Variants in SEC14L3 observed in about 807,000 individuals in gnomAD.
The protein encoded by SEC14L3 is SEC14 like lipid binding 3.
A neutral mutation model predicts 57.4 loss-of-function variants in SEC14L3; 56 were observed. That is an observed-to-expected ratio of 0.97 (90% CI 0.79 to 1.22). The LOEUF (loss-of-function observed/expected upper bound fraction) is 1.22, where lower values mean the gene tolerates loss of function less well. SEC14L3 is among the 50% of genes most tolerant of loss of function. SEC14L3 has a pLI of 0.00. For synonymous variants in SEC14L3, 173 were observed against 194.4 expected, an observed-to-expected ratio of 0.89 and a Z score of 0.92; for missense variants, 485 against 511.7, an observed-to-expected ratio of 0.95 and a Z score of 0.50.
At chr22:30,461,180 A>G in intron 11 of SEC14L3, 130 bp downstream of exon 11, 1 of 1,123,132 alleles carries the variant, frequency 8.9e-7, no homozygotes, top group Non-Finnish European at 1.3e-6. Flanking sequence ...TGTATGAATG[A>G]ATGGTGCTAA....
At chr22:30,469,895 A>AAAGGAGACTGCAGGC in intron 4 of SEC14L3, 124 bp downstream of exon 4, 1 of 705,998 alleles carries the variant, frequency 1.4e-6, no homozygotes, top group South Asian at 1.9e-5. Context: ...TGACTGTAGG[A>AAAGGAGACTGCAGGC]AAGGAGACTG....
intron 12 of SEC14L3, among the ~76,000 whole-genome samples, chr22:30,449,553 CTTTTCTTTT>C (rs1281286773): frequency 1.4e-5 from 2 of 142,748 alleles, no homozygotes; most frequent in African/African-American, 5.6e-5. Context: ...TTTTTCTTTT[CTTTTCTTTT>C]CTTTTCTTTT....
chr22:30,460,229 G>A (rs1358279372), intron 11 of SEC14L3, 87 bp from the exon 12 acceptor site: 5 of 1,538,744 alleles, frequency 3.2e-6, no homozygotes, highest in Non-Finnish European at 4.4e-6. Flanking sequence ...ACAGGCTTGT[G>A]TTCCCACTGG....
At chr22:30,449,059 A>G (rs757825054) in exon 13 of SEC14L3, 22 of 1,549,176 alleles carry the variant, frequency 1.4e-5, no homozygotes, top group Middle Eastern at 1.7e-4. Context: ...CCTCTTACAC[A>G]CAGGCCAGTT....
intron 11 of SEC14L3, 112 bp from the exon 12 acceptor site, chr22:30,460,254 C>A: frequency 1.3e-6 from 2 of 1,515,314 alleles, no homozygotes; most frequent in Non-Finnish European, 1.8e-6. Context: ...GTTTGCCAAG[C>A]TGGGCCAAGC....
downstream of SEC14L3, among the ~76,000 whole-genome samples, chr22:30,457,220 G>A (rs186504465): frequency 2.9e-3 from 434 of 152,110 alleles, 5 homozygotes; most frequent in South Asian, 0.012. Context: ...TGCTGCCACC[G>A]TCTTCCAAGA....
intron 12 of SEC14L3, among the ~76,000 whole-genome samples, chr22:30,451,258 C>T (rs1934975000): frequency 6.6e-6 from 1 of 151,898 alleles, no homozygotes; most frequent in Non-Finnish European, 1.5e-5. Context: ...GATGCGTGGA[C>T]AAGATGAGGA....
rs372658998 is a variant in SEC14L3 at position 30,461,314 on chromosome 22, G to A, written c.1077C>T (p.Gly359=). 1.7e-5 allele frequency: 27 copies of A among 1,586,358 alleles called. No homozygotes were observed. Among genetic ancestry groups the A allele is most frequent in the East Asian group, 6.7e-5 (3 of 44,636 alleles). ...EDGNLTCSEA[G]VYVLRFDNTY... is the part of the protein sequence containing the mutation. ...TCCCAGCTGGGGCAGACTTACAGAC[G>A]CCGGCCTCTGAGCAGGTGAGGTTCC... The change falls in exon 11 of 12, where the codon GGC becomes GGT. Residue 359 remains glycine, a synonymous_variant. Coordinates refer to ENST00000215812, the MANE Select transcript of SEC14L3 (RefSeq NM_174975.5).
chr22:30,470,056 A>T lies in SEC14L3; in HGVS notation c.197T>A (p.Met66Lys). 1 of 1,594,834 alleles carries T rather than the reference A, an allele frequency of 6.3e-7. No individual in the cohort carries two copies. The highest frequency in any genetic ancestry group is 8.5e-7 in the Non-Finnish European group (1 of 1,169,762). The change falls in exon 4 of 12, where the codon ATG (methionine) becomes AAG (lysine). Residue 66 changes from methionine (M) to lysine (K), a missense_variant. Physicochemically the swap from Met to Lys is moderately conservative, Grantham distance 95. Coordinates refer to ENST00000215812, the MANE Select transcript of SEC14L3 (RefSeq NM_174975.5). ...CCAATCAAGGATATGGTCAATATCCATGGTCTTCCGGAACTCCATGTACTG... is the reference window on the plus strand; with the variant it reads ...CCAATCAAGGATATGGTCAATATCCTTGGTCTTCCGGAACTCCATGTACTG... ...LRKYMEFRKT[M>K]DIDHILDWQP...
chr22:30,464,769 C>T (rs779666484), intron 8 of SEC14L3, 51 bp downstream of exon 8: 9 of 1,558,746 alleles, frequency 5.8e-6, no homozygotes, highest in South Asian at 1.1e-5. Context: ...GGGACAACCT[C>T]ACTCCAAAGG....
Position 30,471,889 on chromosome 22 carries a change from G to A in SEC14L3, c.54+16C>T, listed in dbSNP as rs376475550. On this transcript the variant is annotated intron_variant, in intron 1 of 11. Transcript: ENST00000215812. Reference sequence around the variant, plus strand: ...TTCCCCTGGTCTTCCGGAACTCCAGGGGGAGGGGCTCTCACCTTGGCCAGG... The same window carrying A: ...TTCCCCTGGTCTTCCGGAACTCCAGAGGGAGGGGCTCTCACCTTGGCCAGG... The A allele has an allele frequency of 1.2e-6, 2 of 1,613,288 alleles. No homozygotes were observed. The highest frequency in any genetic ancestry group is 1.7e-6 in the Non-Finnish European group (2 of 1,179,680).
At chr22:30,462,793 A>AGTG (rs1205363102) in intron 8 of SEC14L3, among the ~76,000 whole-genome samples, 13 of 148,318 alleles carry the variant, frequency 8.8e-5, no homozygotes, top group African/African-American at 3.3e-4. Flanking sequence ...GCTGGAGTGC[A>AGTG]GTGGTGTGGT....
chr22:30,469,837 A>T (rs1935542961), intron 4 of SEC14L3, among the ~76,000 whole-genome samples, 182 bp downstream of exon 4: 1 of 152,194 alleles, frequency 6.6e-6, no homozygotes, highest in South Asian at 2.1e-4. Flanking sequence ...TGCTGCTAAC[A>T]TCTTAACCTA....
At chr22:30,454,865 A>AAT (rs1474053110), downstream of SEC14L3, among the ~76,000 whole-genome samples, 2 of 49,464 alleles carry the variant, frequency 4.0e-5, no homozygotes, top group African/African-American at 1.2e-4. Flanking sequence ...ATTATTATAT[A>AAT]ATACATAATA....
In SEC14L3 at chr22:30,471,917, C is replaced by G; in HGVS notation, c.42G>C (p.Glu14Asp). ...GAGGGGCTCTCACCTTGGCCAGGGT[C>G]TCTGCCTGTTTGGGGCTCAGGTCTC... The part of the protein sequence containing the change: ...RVGDLSPKQA[E>D]TLAKFRENVQ... The change falls in exon 1 of 12, where the codon GAG becomes GAC. Residue 14 changes from glutamate (E) to aspartate (D), a missense_variant. Transcript: ENST00000215812. 1 of 1,612,672 alleles carries G rather than the reference C, an allele frequency of 6.2e-7. No individual in the cohort carries two copies. The highest frequency in any genetic ancestry group is 8.5e-7 in the Non-Finnish European group (1 of 1,179,340).
At chr22:30,468,780 T>C in intron 4 of SEC14L3, 84 bp from the exon 5 acceptor site, 1 of 1,612,094 alleles carries the variant, frequency 6.2e-7, no homozygotes, top group Non-Finnish European at 8.5e-7. Flanking sequence ...GGCCCAAGCC[T>C]ACACACACCA....
At chr22:30,464,722 C>A (rs773358128) in intron 8 of SEC14L3, 98 bp downstream of exon 8, 3 of 1,120,322 alleles carry the variant, frequency 2.7e-6, no homozygotes, top group Non-Finnish European at 4.1e-6. Context: ...TGAGCCACTG[C>A]ACCCAACCTA....
intron 5 of SEC14L3, 140 bp downstream of exon 5, chr22:30,468,368 G>T: frequency 3.3e-6 from 2 of 606,562 alleles, no homozygotes; most frequent in Non-Finnish European, 5.9e-6. Context: ...AGGCCACACA[G>T]CTGGTAAGCA....
chr22:30,454,210 T>C (rs1278188888), intron 12 of SEC14L3, among the ~76,000 whole-genome samples: 1 of 152,044 alleles, frequency 6.6e-6, no homozygotes, highest in African/African-American at 2.4e-5. Flanking sequence ...TGGCCTTCAC[T>C]GGTGTCACTC....
Sources: allele counts gnomAD v4.1 joint callset (sites outside exome capture counted in the v4.1 genomes callset), GRCh38; gene constraint gnomAD v4.1.1; transcripts MANE v1.5; gene names NCBI Gene and HGNC (gene_info 2026-07-23, HGNC 2026-07-21).